ARCN1: variants seen among roughly 807,000 people sequenced by gnomAD.
ARCN1 encodes the protein coatomer subunit delta.
Under a neutral mutation model 60.4 loss-of-function variants are expected in ARCN1, and 5 were observed. The observed-to-expected ratio is 0.08, with a 90% CI of 0.04 to 0.17. The LOEUF (loss-of-function observed/expected upper bound fraction) is 0.17. Ranked by LOEUF, ARCN1 falls within the 10% of genes least tolerant of loss-of-function variation. The pLI is 1.00. For synonymous variants in ARCN1, 224 were observed against 220.0 expected (o/e 1.02, Z -0.16); for missense variants, 464 against 626.5 (o/e 0.74, Z 2.77).
intron 6 of ARCN1, among the ~76,000 whole-genome samples, chr11:118,592,030 C>T (rs1420029401): frequency 1.6e-4 from 24 of 152,092 alleles, no homozygotes; most frequent in Non-Finnish European, 2.4e-4. Flanking sequence ...AAGCCATTCT[C>T]CTGCCTCAGC....
intron 5 of ARCN1, among the ~76,000 whole-genome samples, chr11:118,589,321 A>G (rs1719296548): frequency 6.6e-6 from 1 of 152,242 alleles, no homozygotes; most frequent in Admixed American, 6.5e-5. Context: ...TCTTCCTTGT[A>G]TAATTTTAAT....
chr11:118,580,109 G>A (rs1938617911), intron 1 of ARCN1, among the ~76,000 whole-genome samples: 1 of 152,054 alleles, frequency 6.6e-6, no homozygotes, highest in African/African-American at 2.4e-5. Flanking sequence ...GATCACTTGA[G>A]TCCAGAAGTT....
At chr11:118,578,874 CTTTTTTTTTTTT>C (rs56050047) in intron 1 of ARCN1, among the ~76,000 whole-genome samples, 27,304 of 84,114 alleles carry the variant, frequency 0.32, 4,017 homozygotes, top group Admixed American at 0.52. Context: ...CCCCGTCTCT[CTTTTTTTTTTTT>C]TTTTTTTTTT....
Position 118,586,660 on chromosome 11 carries a change from A to G in ARCN1, c.818+2016A>G, listed in dbSNP as rs547555072. Among the ~76,000 whole-genome samples, 9 of 152,052 alleles carry G rather than the reference A, an allele frequency of 5.9e-5. No homozygotes were observed. In the South Asian group the frequency reaches 1.7e-3, roughly 28 times the overall value. ...AACATGGTGAAACTCCATCTCCACT[A>G]AAATACAAAAAATTAACCCCTTCTC... is the stretch of plus-strand genomic sequence containing the variant. On this transcript the variant is annotated intron_variant, in intron 5 of 9. Coordinates refer to ENST00000264028, the MANE Select transcript of ARCN1 (RefSeq NM_001655.5).
At chr11:118,588,634 C>T (rs926403295) in intron 5 of ARCN1, among the ~76,000 whole-genome samples, 8 of 152,156 alleles carry the variant, frequency 5.3e-5, no homozygotes, top group Admixed American at 6.5e-5. Flanking sequence ...CACTTGAGAC[C>T]AGGAGTTCAA....
chr11:118,590,777 T>A (rs951653240), intron 6 of ARCN1, among the ~76,000 whole-genome samples: 1 of 152,170 alleles, frequency 6.6e-6, no homozygotes, highest in Non-Finnish European at 1.5e-5. Flanking sequence ...CAATAAAAGG[T>A]ACAAGGAGGT....
Position 118,602,605 on chromosome 11 carries a change from A to G in ARCN1, c.*1891A>G, listed in dbSNP as rs1452372909. ...AGTTTCTAGCCTTTCCCTTTCCCCT[A>G]ACTGCATCAGGGAAGAATTCTTATC... On this transcript the variant is annotated 3_prime_UTR_variant, in exon 10 of 10. Coordinates refer to ENST00000264028, the MANE Select transcript of ARCN1 (RefSeq NM_001655.5). The G allele has an allele frequency of 1.3e-5, 2 of 153,846 alleles. No homozygotes were observed. Among genetic ancestry groups the G allele is most frequent in the South Asian group, 2.1e-4 (1 of 4,820 alleles). The allele number at this position is 153,846 out of a possible 1,614,324, so 9.5% of individuals were successfully genotyped here.
rs369897117 is a variant in ARCN1 at position 118,581,413 on chromosome 11, C to T, written c.171C>T (p.Val57=). The part of the protein sequence containing the change: ...TFVETESVRY[V]YQPMEKLYMV... ...TTGAAACAGAGAGTGTAAGATATGT[C>T]TACCAGCCTATGGAGAAACTGTATA... The change falls in exon 2 of 10, where the codon GTC becomes GTT. Residue 57 remains valine (V), a synonymous_variant. Transcript: ENST00000264028. 1.1e-5 allele frequency: 17 copies of T among 1,614,188 alleles called. No homozygotes were observed. The highest frequency in any genetic ancestry group is 1.4e-5 in the Non-Finnish European group (17 of 1,180,024).
At chr11:118,572,669 T>C (rs557684543) in intron 1 of ARCN1, 119 bp downstream of exon 1, 364 of 1,342,514 alleles carry the variant, frequency 2.7e-4, no homozygotes, top group Non-Finnish European at 1.2e-4. Context: ...CAGAGTGCTT[T>C]TGCTCCGGGC....
intron 8 of ARCN1, among the ~76,000 whole-genome samples, chr11:118,595,993 G>A (rs978247730): frequency 8.5e-5 from 13 of 152,200 alleles, no homozygotes; most frequent in Admixed American, 6.5e-4. Flanking sequence ...TGTGAAGCCG[G>A]GAGGCGGAGC....
intron 3 of ARCN1, 47 bp from the exon 4 acceptor site, chr11:118,583,762 A>C: frequency 6.3e-7 from 1 of 1,593,632 alleles, no homozygotes; most frequent in Non-Finnish European, 8.5e-7. Flanking sequence ...CTGTCTCAAC[A>C]AAAACCCAAA....
rs1565360298 is a variant in ARCN1 at position 118,581,935 on chromosome 11, C to CTTTATGCCAA, written c.267+426_267+427insTTTATGCCAA. 2.3e-5 allele frequency among the ~76,000 whole-genome samples: 3 copies of CTTTATGCCAA among 132,136 alleles called. No individual in the cohort carries two copies. The East Asian group carries it at 8.4e-4, about 37-fold the overall frequency. 86.7% of individuals were successfully genotyped at this position (132,136 alleles called of 152,430 possible). A position where few individuals can be genotyped will look rare whatever the true frequency, so the allele number is the denominator to read the frequency against. On this transcript the variant is annotated intron_variant, in intron 2 of 9. Coordinates refer to ENST00000264028, the MANE Select transcript of ARCN1 (RefSeq NM_001655.5). Reference sequence around the variant, plus strand: ...ACTGATCCAGAGACAGACAGACAGACAGACACACACACACACACACACACA... The same window carrying CTTTATGCCAA: ...ACTGATCCAGAGACAGACAGACAGACTTTATGCCAAAGACACACACACACACACACACACA...
intron 6 of ARCN1, among the ~76,000 whole-genome samples, chr11:118,592,072 C>T (rs1304864612): frequency 6.6e-6 from 1 of 152,078 alleles, no homozygotes; most frequent in Admixed American, 6.6e-5. Flanking sequence ...AGGCGTGCGC[C>T]ACCATGTCCA....
chr11:118,572,573 A>C, intron 1 of ARCN1, 23 bp downstream of exon 1: 1 of 1,604,664 alleles, frequency 6.2e-7, no homozygotes, highest in Non-Finnish European at 8.5e-7. Flanking sequence ...CCAGGACCCG[A>C]ACTCCTGGGG....
chr11:118,581,139 G>T, intron 1 of ARCN1, 107 bp from the exon 2 acceptor site: 1 of 1,406,980 alleles, frequency 7.1e-7, no homozygotes, highest in Non-Finnish European at 9.8e-7. Context: ...ACTACTACTA[G>T]TCATGTCACT....
intron 5 of ARCN1, among the ~76,000 whole-genome samples, chr11:118,589,458 C>T (rs1938848910): frequency 6.6e-6 from 1 of 151,618 alleles, no homozygotes; most frequent in East Asian, 1.9e-4. Flanking sequence ...GAGACAGAGT[C>T]TCACTCTGTT....
chr11:118,591,110 T>C (rs1285064364), intron 6 of ARCN1, among the ~76,000 whole-genome samples: 4 of 152,372 alleles, frequency 2.6e-5, no homozygotes, highest in African/African-American at 9.6e-5. Context: ...TATCTAATGG[T>C]GTATTTGAAA....
chr11:118,576,750 C>T (rs188201608), intron 1 of ARCN1, among the ~76,000 whole-genome samples: 66 of 152,144 alleles, frequency 4.3e-4, no homozygotes, highest in African/African-American at 1.4e-3. Flanking sequence ...CCTGGGTGTT[C>T]GGAGATTTAT....
Position 118,583,190 on chromosome 11 carries a change from T to C in ARCN1, c.279T>C (p.Tyr93=), listed in dbSNP as rs1555074915. ...GTGTCCACGCTTAGATCCCTGAATATTGCCGAGCCTTAGAAGAGAATGAAA... is the reference window on the plus strand; with the variant it reads ...GTGTCCACGCTTAGATCCCTGAATACTGCCGAGCCTTAGAAGAGAATGAAA... ...LRLFSRVIPE[Y]CRALEENEIS... Residue 93 remains tyrosine, a synonymous_variant, in exon 3 of 10, where the codon TAT becomes TAC. Transcript: ENST00000264028. The C allele has an allele frequency of 6.2e-7, 1 of 1,614,168 alleles. No homozygotes were observed. The highest frequency in any genetic ancestry group is 1.7e-5 in the Admixed American group (1 of 60,010).
Sources: allele counts gnomAD v4.1 joint callset (sites outside exome capture counted in the v4.1 genomes callset), GRCh38; gene constraint gnomAD v4.1.1; transcripts MANE v1.5; gene names NCBI Gene and HGNC (gene_info 2026-07-23, HGNC 2026-07-21).